Variants in ATP7A observed in about 807,000 individuals in gnomAD.
ATP7A encodes ATPase copper transporting alpha.
ATP7A carries 7 observed loss-of-function variants against 83.5 expected under a neutral mutation model. That is an observed-to-expected ratio of 0.08 (90% confidence interval 0.05 to 0.16). ATP7A has a LOEUF of 0.16. Among genes scored for constraint, ATP7A ranks in the 10% least tolerant of loss-of-function variants. The probability of loss-of-function intolerance (pLI) is 1.00; values close to 1 mark genes in which losing one functional copy is unlikely to be tolerated. For synonymous variants in ATP7A, 354 were observed against 395.2 expected, an observed-to-expected ratio of 0.90 and a Z score of 1.24; for missense variants, 940 against 1,120.8, an observed-to-expected ratio of 0.84 and a Z score of 2.30.
intron 12 of ATP7A, among the ~76,000 whole-genome samples, chrX:78,016,171 A>G (rs1238170341): frequency 2.7e-5 from 3 of 111,368 alleles, no homozygotes; most frequent in Non-Finnish European, 5.7e-5. Flanking sequence ...ACTTGTAATC[A>G]TGGTGGAGGA....
intron 2 of ATP7A, among the ~76,000 whole-genome samples, chrX:77,987,400 G>T (rs2149082053): frequency 9.2e-6 from 1 of 108,679 alleles, no homozygotes; most frequent in African/African-American, 3.4e-5. Flanking sequence ...AATAAGTGGA[G>T]AATTGATGCT....
intron 1 of ATP7A, among the ~76,000 whole-genome samples, chrX:77,919,944 C>T (rs1267297143): frequency 8.9e-6 from 1 of 112,113 alleles, no homozygotes; most frequent in East Asian, 2.8e-4. Flanking sequence ...CCTTCTCTCA[C>T]CCCCTGGTAA....
intron 1 of ATP7A, among the ~76,000 whole-genome samples, chrX:77,932,909 G>A (rs1255069810): frequency 1.8e-5 from 2 of 109,087 alleles, no homozygotes; most frequent in Non-Finnish European, 3.8e-5. Flanking sequence ...GAGAGGGAGA[G>A]GGGGACCGTG....
At chrX:78,019,844 T>C (rs898704213) in intron 12 of ATP7A, among the ~76,000 whole-genome samples, 2 of 111,000 alleles carry the variant, frequency 1.8e-5, no homozygotes, top group Admixed American at 9.6e-5. Context: ...TCTTACATAC[T>C]GTAGTACAAT....
chrX:77,956,784 T>TTTCTTTCTTTCTTTCTTTCTTTCG (rs1569549170), intron 1 of ATP7A, among the ~76,000 whole-genome samples: 12 of 102,150 alleles, frequency 1.2e-4, no homozygotes, highest in African/African-American at 4.3e-4. Flanking sequence ...TCTTTCTTTC[T>TTTCTTTCTTTCTTTCTTTCTTTCG]TTCTCTTTCT....
intron 1 of ATP7A, chrX:77,962,742 G>A (rs2077480682): frequency 2.6e-6 from 1 of 386,957 alleles, no homozygotes; most frequent in Non-Finnish European, 5.2e-6. Context: ...CAGAGACACA[G>A]CATTTTCGTC....
At chrX:77,927,376 ATCG>A (rs1421170696) in intron 1 of ATP7A, among the ~76,000 whole-genome samples, 1 of 112,053 alleles carries the variant, frequency 8.9e-6, no homozygotes. Context: ...AAATAGGACT[ATCG>A]TCAATTGTTT....
chrX:78,037,659 G>A lies in ATP7A; in HGVS notation c.3512-1177G>A, dbSNP rs144126423. ...ATTAGGAGGTAACCCCTAAGAATGT[G>A]GTATCCTAGAAGCCAAATGAAGAAC... On this transcript the variant is annotated intron_variant, in intron 17 of 22. Transcript: ENST00000341514. Among the ~76,000 whole-genome samples the A allele has an allele frequency of 7.1e-3, 797 of 111,788 alleles. 6 individuals carry two copies. The highest frequency in any genetic ancestry group is 0.012 in the Non-Finnish European group (631 of 53,087).
intron 1 of ATP7A, among the ~76,000 whole-genome samples, chrX:77,912,782 T>A (rs528567494): frequency 1.8e-5 from 2 of 112,253 alleles, no homozygotes; most frequent in Non-Finnish European, 3.8e-5. Flanking sequence ...CCAAGGAATC[T>A]CTGCTTTTCC....
chrX:77,928,973 A>G (rs1557223904), intron 1 of ATP7A, among the ~76,000 whole-genome samples: 1 of 111,334 alleles, frequency 9.0e-6, no homozygotes, highest in Non-Finnish European at 1.9e-5. Context: ...ATATTACTGG[A>G]GTGTGTTTGC....
intron 2 of ATP7A, among the ~76,000 whole-genome samples, chrX:77,985,448 A>T (rs781889360): frequency 2.9e-4 from 32 of 110,822 alleles, no homozygotes; most frequent in African/African-American, 9.2e-4. Flanking sequence ...CAACGTATTT[A>T]AAGGGCAAGA....
intron 15 of ATP7A, among the ~76,000 whole-genome samples, chrX:78,031,019 C>T (rs2077980405): frequency 9.0e-6 from 1 of 111,270 alleles, no homozygotes; most frequent in South Asian, 3.8e-4. Context: ...AATCATTTCC[C>T]TACTGCTTAG....
At chrX:77,927,980 T>C (rs977488310) in intron 1 of ATP7A, among the ~76,000 whole-genome samples, 2 of 110,900 alleles carry the variant, frequency 1.8e-5, no homozygotes, top group Non-Finnish European at 3.8e-5. Context: ...TATGTATATT[T>C]TAAGGCTTTT....
intron 4 of ATP7A, among the ~76,000 whole-genome samples, chrX:77,996,291 T>G (rs1441339272): frequency 3.6e-5 from 4 of 111,624 alleles, no homozygotes; most frequent in Non-Finnish European, 1.9e-5. Flanking sequence ...CATTTTTAGA[T>G]TATTTATGTA....
chrX:77,937,887 T>TCACACA (rs782049494), intron 1 of ATP7A, among the ~76,000 whole-genome samples: 4 of 101,024 alleles, frequency 4.0e-5, no homozygotes, highest in African/African-American at 1.1e-4. Context: ...TCTCTCTCTC[T>TCACACA]CACACACACA....
chrX:78,028,371 T>C (rs2077960936), intron 14 of ATP7A, among the ~76,000 whole-genome samples: 1 of 111,303 alleles, frequency 9.0e-6, no homozygotes, highest in African/African-American at 3.3e-5. Flanking sequence ...GCATTTTTAA[T>C]AGAGACGGGG....
At chrX:78,009,568 A>G (rs2077802993) in intron 7 of ATP7A, among the ~76,000 whole-genome samples, 1 of 112,296 alleles carries the variant, frequency 8.9e-6, no homozygotes, top group African/African-American at 3.2e-5. Context: ...TAAGATTCAT[A>G]TTAGTTACTA....
chrX:77,958,775 A>G (rs781972800), intron 1 of ATP7A, among the ~76,000 whole-genome samples: 26 of 101,991 alleles, frequency 2.5e-4, no homozygotes, highest in African/African-American at 9.0e-4. Context: ...TCTTTCATCA[A>G]TGTTTTATAG....
At chrX:77,933,526 C>T (rs182193744) in intron 1 of ATP7A, among the ~76,000 whole-genome samples, 2 of 111,823 alleles carry the variant, frequency 1.8e-5, no homozygotes, top group African/African-American at 6.5e-5. Context: ...GGAAGTGTTT[C>T]GGATTTCGGA....
Sources: gnomAD v4.1 joint callset for allele counts (sites outside exome capture counted in the v4.1 genomes callset) on GRCh38, gnomAD v4.1.1 for gene constraint, MANE v1.5 for transcripts, NCBI Gene and HGNC (gene_info 2026-07-23, HGNC 2026-07-21) for gene names.